Variants in NPHS1 observed in about 807,000 individuals in gnomAD.
NPHS1 encodes the protein nephrin.
Under a neutral mutation model 139.7 loss-of-function variants are expected in NPHS1, and 107 were observed. The ratio of observed to expected loss-of-function variants is 0.77; its 90% confidence interval spans 0.66 to 0.90. NPHS1 has a LOEUF of 0.90. Among genes scored for constraint, NPHS1 ranks in the 40% least tolerant of loss-of-function variants. The pLI, the probability that NPHS1 is intolerant of heterozygous loss-of-function variation, is 0.00. For missense variants in NPHS1, 1,580 were observed against 1,654.2 expected (o/e 0.96, Z 0.78); for synonymous variants, 707 against 706.6 (o/e 1.00, Z -0.01).
Position 35,825,433 on chromosome 19 carries a change from T to G in NPHS1, c.*1081A>C, listed in dbSNP as rs1460652775. Among the ~76,000 whole-genome samples the G allele has an allele frequency of 6.6e-6, 1 of 152,128 alleles. No individual in the cohort carries two copies. The highest frequency in any genetic ancestry group is 1.5e-5 in the Non-Finnish European group (1 of 68,024). ...ATGTACAATAAAAATGCACCCATCT[T>G]AAGTGTAAAGTTCAATGAGTTTTGA... On this transcript the variant is annotated 3_prime_UTR_variant, in exon 29 of 29. Coordinates refer to ENST00000378910, the MANE Select transcript of NPHS1 (RefSeq NM_004646.4).
At position 35,848,704 on chromosome 19, in the gene NPHS1, G is replaced by C; in HGVS notation, c.1103C>G (p.Pro368Arg). The C allele has an allele frequency of 1.9e-6, 3 of 1,614,096 alleles. No homozygotes were observed. Among genetic ancestry groups the C allele is most frequent in the Non-Finnish European group, 2.5e-6 (3 of 1,180,012 alleles). ...TLSCVSKSSR[P>R]RVLLRWWLGW... ...CAGCCACCATCGTAGCAGAACCCGC[G>C]GGCGACTGGACTTGCTGACACAGGA... The change falls in exon 9 of 29, where the codon CCG becomes CGG. Residue 368 changes from proline (P) to arginine (R), a missense_variant. Pro to Arg is a moderately radical substitution (Grantham distance 103). Transcript: ENST00000378910.
Position 35,843,507 on chromosome 19 carries a change from G to A in NPHS1, c.2299C>T (p.Pro767Ser), listed in dbSNP as rs773135022. The A allele has an allele frequency of 1.2e-6, 2 of 1,614,024 alleles. No individual in the cohort carries two copies. Among genetic ancestry groups the A allele is most frequent in the Non-Finnish European group, 1.7e-6 (2 of 1,180,016 alleles). ...CAGTTGAACATGCCCGGGAGGATGG[G>A]ATTGGCATCGACAGTGCAGACTATG... ...VDIVCTVDAN[P>S]ILPGMFNWER... The change falls in exon 17 of 29, where the codon CCC becomes TCC. Residue 767 changes from proline (P) to serine (S), a missense_variant. Pro to Ser is a moderately conservative substitution (Grantham distance 74). Transcript: ENST00000378910.
chr19:35,844,951 G>A (rs933936249), intron 14 of NPHS1, among the ~76,000 whole-genome samples: 4 of 151,904 alleles, frequency 2.6e-5, no homozygotes, highest in African/African-American at 4.8e-5. Context: ...ATAGAGTAAT[G>A]CCATCTCTAT....
chr19:35,833,139 C>T (rs1972906941), intron 23 of NPHS1, among the ~76,000 whole-genome samples: 1 of 151,778 alleles, frequency 6.6e-6, no homozygotes, highest in Non-Finnish European at 1.5e-5. Flanking sequence ...AGTGGTCTGC[C>T]CACCTTGGCG....
chr19:35,845,333 G>A lies in NPHS1; in HGVS notation c.1930+35C>T. On this transcript the variant is annotated intron_variant, in intron 14 of 28. Coordinates refer to ENST00000378910, the MANE Select transcript of NPHS1 (RefSeq NM_004646.4). The surrounding 1 kb of genome is among the most constrained non-coding windows in gnomAD (Gnocchi z 5.5). ...CCAAGGAGTAGTTTAGGGTCAAGAA[G>A]GCATCGAGAGGGGCTTTCAGGCCGG... The A allele has an allele frequency of 1.2e-6, 2 of 1,610,008 alleles. No homozygotes were observed. The highest frequency in any genetic ancestry group is 1.7e-6 in the Non-Finnish European group (2 of 1,176,288).
intron 2 of NPHS1, 27 bp from the exon 3 acceptor site, chr19:35,851,411 C>T (rs777529590): frequency 6.8e-6 from 11 of 1,612,384 alleles, no homozygotes; most frequent in South Asian, 2.2e-5. Flanking sequence ...AAGTCAGGGC[C>T]GCAGCTTCCG....
rs1481218156 is a variant in NPHS1 at position 35,841,677 on chromosome 19, A to T, written c.2815+38T>A. 3.7e-6 allele frequency: 6 copies of T among 1,612,386 alleles called. No homozygotes were observed. The Admixed American group carries it at 8.3e-5, about 22-fold the overall frequency. ...CAGGGATGTGGGAATGGATCCAGGGAGCACCCCCTCCCCAACACCCTCACA... is the reference window on the plus strand; with the variant it reads ...CAGGGATGTGGGAATGGATCCAGGGTGCACCCCCTCCCCAACACCCTCACA... On this transcript the variant is annotated intron_variant, in intron 20 of 28. Transcript: ENST00000378910.
intron 2 of NPHS1, 24 bp downstream of exon 2, chr19:35,851,433 G>GGT: frequency 6.2e-7 from 1 of 1,612,874 alleles, no homozygotes; most frequent in Non-Finnish European, 8.5e-7. Context: ...TGGTGGCTGA[G>GGT]GGTCTCAGGC....
At chr19:35,850,748 C>T (rs1000278889) in intron 4 of NPHS1, among the ~76,000 whole-genome samples, 4 of 152,338 alleles carry the variant, frequency 2.6e-5, no homozygotes, top group Admixed American at 2.6e-4. Flanking sequence ...ATCTGGGCCT[C>T]AGCCTTGTGC....
chr19:35,849,688 C>A, intron 5 of NPHS1, 35 bp from the exon 6 acceptor site: 1 of 1,526,098 alleles, frequency 6.6e-7, no homozygotes, highest in South Asian at 1.1e-5. Flanking sequence ...GAGTCAGAGT[C>A]ATCATCTGAA....
chr19:35,834,821 A>C lies in NPHS1; in HGVS notation c.3166+884T>G, dbSNP rs1160473336. Among the ~76,000 whole-genome samples the C allele has an allele frequency of 2.0e-5, 3 of 150,450 alleles. No homozygotes were observed. In the East Asian group the frequency reaches 5.9e-4, roughly 30 times the overall value. On this transcript the variant is annotated intron_variant, in intron 23 of 28. Transcript: ENST00000378910. ...CAGGAGAGGAAGCCGGGAGGTGGAG[A>C]TAGCAGTCAGCCGAGATCGCACCAC... is the stretch of plus-strand genomic sequence containing the variant.
rs528384785 is a variant in NPHS1, at chr19:35,844,398, C to T, written c.1992G>A (p.Ala664=). The change falls in exon 15 of 29, where the codon GCG becomes GCA. Residue 664 remains alanine, a synonymous_variant. Coordinates refer to ENST00000378910, the MANE Select transcript of NPHS1 (RefSeq NM_004646.4). ...LVVTAVEQGE[A]LLPVSVSANP... ...TAGCGGACACGGACACGGGCAGCAA[C>T]GCCTCGCCCTGCTCCACCGCGGTCA... 12 of 1,610,748 alleles carry T rather than the reference C, an allele frequency of 7.4e-6. No individual in the cohort carries two copies. Among genetic ancestry groups the T allele is most frequent in the African/African-American group, 1.3e-5 (1 of 74,992 alleles).
intron 27 of NPHS1, 42 bp downstream of exon 27, chr19:35,831,011 G>A (rs932184551): frequency 1.2e-6 from 2 of 1,606,956 alleles, no homozygotes; most frequent in South Asian, 1.1e-5. Context: ...AGGCGTCGGG[G>A]GTACCTCTGA....
chr19:35,826,488 G>A lies in NPHS1; in HGVS notation c.*26C>T. On this transcript the variant is annotated 3_prime_UTR_variant, in exon 29 of 29. Transcript: ENST00000378910. ...CAGTGGAGTGTAAATTCCTGCAGGT[G>A]CAGGACAATGGGGTTGAGAGGGCTC... The A allele has an allele frequency of 1.2e-6, 2 of 1,612,838 alleles. No individual in the cohort carries two copies. The highest frequency in any genetic ancestry group is 1.7e-6 in the Non-Finnish European group (2 of 1,179,798).
At chr19:35,840,493 C>T (rs1025025872) in intron 20 of NPHS1, among the ~76,000 whole-genome samples, 1 of 150,982 alleles carries the variant, frequency 6.6e-6, no homozygotes, top group Non-Finnish European at 1.5e-5. Context: ...CGCCACCATG[C>T]CCGGCTAATT....
At position 35,826,648 on chromosome 19, in the gene NPHS1, G is replaced by A; in HGVS notation, c.3595-3C>T. ...GGCCAGTGGAGGTCCCAGGGTCCCT[G>A]ACAGGCAAAAAGTGGAGTTAGAACC... On this transcript the variant is annotated splice_polypyrimidine_tract_variant and splice_region_variant and intron_variant, in intron 28 of 28. Coordinates refer to ENST00000378910, the MANE Select transcript of NPHS1 (RefSeq NM_004646.4). The A allele has an allele frequency of 6.2e-7, 1 of 1,614,052 alleles. No individual in the cohort carries two copies. Among genetic ancestry groups the A allele is most frequent in the Non-Finnish European group, 8.5e-7 (1 of 1,179,994 alleles).
In NPHS1 at chr19:35,845,889, T is replaced by C; in HGVS notation, c.1628-91A>G. On this transcript the variant is annotated intron_variant, in intron 12 of 28. Transcript: ENST00000378910. This position sits in a 1 kb window ranked among gnomAD's most constrained non-coding sequence, Gnocchi z 5.5. ...CCTGCACCCCAGGCTCCGCCCAGTCTCGGGTCCCCCACCCCGCCTCCGCCC... is the reference window on the plus strand; with the variant it reads ...CCTGCACCCCAGGCTCCGCCCAGTCCCGGGTCCCCCACCCCGCCTCCGCCC... The C allele has an allele frequency of 6.5e-7, 1 of 1,546,172 alleles. No homozygotes were observed. Among genetic ancestry groups the C allele is most frequent in the Non-Finnish European group, 8.7e-7 (1 of 1,144,460 alleles).
At chr19:35,851,430 T>A (rs1446949521) in intron 2 of NPHS1, 27 bp downstream of exon 2, 1 of 1,612,874 alleles carries the variant, frequency 6.2e-7, no homozygotes, top group Non-Finnish European at 8.5e-7. Flanking sequence ...CGCTGGTGGC[T>A]GAGGGTCTCA....
chr19:35,844,135 G>A lies in NPHS1; in HGVS notation c.2180C>T (p.Thr727Ile), dbSNP rs1306072539. 1.9e-6 allele frequency: 3 copies of A among 1,609,162 alleles called. No individual in the cohort carries two copies. The highest frequency in any genetic ancestry group is 4.5e-5 in the East Asian group (2 of 44,890). ...YQLHCQNSEGTAEARLRLDVH... is the reference protein window; with the variant it reads ...YQLHCQNSEGIAEARLRLDVH... ...GTCCAGCCGCAGCCGCGCTTCCGCG[G>A]TGCCCTCAGAGTTCTGGCAGTGCAG... The change falls in exon 16 of 29, where the codon ACC (threonine) becomes ATC (isoleucine). Residue 727 changes from threonine (T) to isoleucine (I), a missense_variant. Coordinates refer to ENST00000378910, the MANE Select transcript of NPHS1 (RefSeq NM_004646.4).
Sources: gnomAD v4.1 joint callset for allele counts (sites outside exome capture counted in the v4.1 genomes callset) on GRCh38, gnomAD v4.1.1 for gene constraint, Gnocchi (gnomAD v3.1) non-coding constraint, MANE v1.5 for transcripts, NCBI Gene and HGNC (gene_info 2026-07-23, HGNC 2026-07-21) for gene names.